CAMSAP1: variants seen among roughly 807,000 people sequenced by gnomAD.
CAMSAP1 encodes the protein calmodulin regulated spectrin associated protein 1.
CAMSAP1 carries 58 observed loss-of-function variants against 143.5 expected under a neutral mutation model. The observed-to-expected ratio is 0.40, with a 90% CI of 0.33 to 0.50. The LOEUF (loss-of-function observed/expected upper bound fraction) is 0.50, where lower values mean the gene tolerates loss of function less well. CAMSAP1 is among the 20% of genes least tolerant of loss of function. CAMSAP1 has a pLI of 0.45. For synonymous variants in CAMSAP1, 945 were observed against 859.3 expected (o/e 1.10, Z -1.74); for missense variants, 1,969 against 2,115.7 (o/e 0.93, Z 1.36).
intron 3 of CAMSAP1, among the ~76,000 whole-genome samples, chr9:135,881,349 C>A (rs1236412762): frequency 2.0e-5 from 3 of 151,022 alleles, no homozygotes; most frequent in African/African-American, 4.9e-5. Context: ...CAAAGTGAGA[C>A]CCTGTCTCAA....
rs747969198 is a variant in CAMSAP1, at chr9:135,823,273, G to A, written c.1401-13C>T. The A allele has an allele frequency of 2.0e-6, 3 of 1,537,138 alleles. No individual in the cohort carries two copies. The Admixed American group carries it at 6.0e-5, about 31-fold the overall frequency. On this transcript the variant is annotated splice_polypyrimidine_tract_variant and intron_variant, in intron 10 of 16. Transcript: ENST00000389532. ...CTGGGACGCAGGCCTGAAACACAGG[G>A]AAGGCCCACTGGGTGCGCTGCGGTA...
chr9:135,816,979 C>T (rs926218089), intron 14 of CAMSAP1, among the ~76,000 whole-genome samples: 3 of 152,172 alleles, frequency 2.0e-5, no homozygotes, highest in Admixed American at 6.5e-5. Context: ...TTGAGAAAGA[C>T]GCACACTCAC....
At chr9:135,843,743 G>A (rs533481741) in intron 7 of CAMSAP1, among the ~76,000 whole-genome samples, 17 of 151,406 alleles carry the variant, frequency 1.1e-4, no homozygotes, top group South Asian at 2.1e-4. Context: ...GCGTGGTGGC[G>A]GGCACCTGTA....
chr9:135,896,049 T>C (rs1298399537), intron 1 of CAMSAP1, among the ~76,000 whole-genome samples: 5 of 152,188 alleles, frequency 3.3e-5, no homozygotes, highest in Non-Finnish European at 7.3e-5. Flanking sequence ...TAAATAGTAA[T>C]TGTTAACAAT....
At chr9:135,873,542 CA>C (rs1837634071) in intron 3 of CAMSAP1, among the ~76,000 whole-genome samples, 1 of 151,936 alleles carries the variant, frequency 6.6e-6, no homozygotes, top group African/African-American at 2.4e-5. Context: ...TCGGACTAAT[CA>C]AGGTAAAGAA....
At chr9:135,893,541 C>A (rs578070692) in intron 1 of CAMSAP1, among the ~76,000 whole-genome samples, 1 of 152,200 alleles carries the variant, frequency 6.6e-6, no homozygotes, top group African/African-American at 2.4e-5. Context: ...ATTAAAGCAT[C>A]CTGAGTGAAG....
Position 135,821,268 on chromosome 9 carries a change from C to T in CAMSAP1, c.3393G>A (p.Pro1131=), listed in dbSNP as rs748498793. ...KTPTPSVETL[P]HLRPFPASSH... ...TGCTGGCAGGGAAGGGTCTCAAGTG[C>T]GGGAGCGTCTCTACACTGGGCGTTG... The change falls in exon 11 of 17, where the codon CCG becomes CCA. Residue 1131 remains proline (P), a synonymous_variant. Coordinates refer to ENST00000389532, the MANE Select transcript of CAMSAP1 (RefSeq NM_015447.4). The surrounding 1 kb of genome is among the most constrained non-coding windows in gnomAD (Gnocchi z 4.6). The T allele has an allele frequency of 3.1e-6, 5 of 1,609,392 alleles. No individual in the cohort carries two copies. Among genetic ancestry groups the T allele is most frequent in the African/African-American group, 1.3e-5 (1 of 74,940 alleles).
Position 135,821,063 on chromosome 9 carries a change from CT to C in CAMSAP1, c.3597del (p.Val1200PhefsTer6), listed in dbSNP as rs753689574. 6.2e-7 allele frequency: 1 copy of C among 1,614,032 alleles called. No individual in the cohort carries two copies. Among genetic ancestry groups the C allele is most frequent in the Non-Finnish European group, 8.5e-7 (1 of 1,179,902 alleles). ...ACCTCCTTCACACTCGCATCCAGAA[CT>C]TCTTTGAGGCTCATCTGCTCCGAAA... The part of the protein sequence containing the change: ...NILSEQMSLK[E>X]VLDASVKEVG... On this transcript the variant is annotated frameshift_variant, in exon 11 of 17. Transcript: ENST00000389532. LOFTEE classifies it high-confidence loss of function. The surrounding 1 kb of genome is among the most constrained non-coding windows in gnomAD (Gnocchi z 4.6).
At chr9:135,841,018 A>G (rs962743320) in intron 7 of CAMSAP1, among the ~76,000 whole-genome samples, 1 of 152,138 alleles carries the variant, frequency 6.6e-6, no homozygotes, top group African/African-American at 2.4e-5. Context: ...TCCCCTGGAA[A>G]GGGTGCTGAA....
At chr9:135,865,098 A>T (rs1255935837) in intron 4 of CAMSAP1, 1 of 554,848 alleles carries the variant, frequency 1.8e-6, no homozygotes, top group Non-Finnish European at 3.2e-6. Flanking sequence ...TCACTTAAAG[A>T]AGTAACTAGG....
Position 135,817,995 on chromosome 9 carries a change from C to T in CAMSAP1, c.4253G>A (p.Gly1418Glu), listed in dbSNP as rs544399066. The change falls in exon 14 of 17, where the codon GGG (glycine) becomes GAG (glutamate). Residue 1418 changes from glycine to glutamate, a missense_variant. Transcript: ENST00000389532. ...ATTEPESVHS[G>E]GTPSQRVESM... ...CCCTTACCGCTGAGAGGGTGTGCCC[C>T]CGGAATGAACGCTCTCGGGTTCTGT... is the stretch of plus-strand genomic sequence containing the variant. 1.2e-6 allele frequency: 2 copies of T among 1,613,916 alleles called. No individual in the cohort carries two copies. The highest frequency in any genetic ancestry group is 1.7e-5 in the Admixed American group (1 of 60,030).
intron 1 of CAMSAP1, among the ~76,000 whole-genome samples, chr9:135,903,066 C>T (rs1838665742): frequency 6.6e-6 from 1 of 152,212 alleles, no homozygotes; most frequent in South Asian, 2.1e-4. Flanking sequence ...TCCACATTGT[C>T]CCCTGAAACC....
chr9:135,819,282 C>G lies in CAMSAP1; in HGVS notation c.3823-136G>C, dbSNP rs191616998. 766 of 1,200,650 alleles carry G rather than the reference C, an allele frequency of 6.4e-4. 9 individuals are homozygous for G. In the African/African-American group the frequency reaches 0.01, roughly 16 times the overall value. 74.4% of individuals were successfully genotyped at this position (1,200,650 alleles called of 1,614,324 possible). A position where few individuals can be genotyped will look rare whatever the true frequency, so the allele number is the denominator to read the frequency against. ...AAAGACTTCTATGCTTTTCTCTAAC[C>G]GTTACAGACTCTGAAATACGAATGA... On this transcript the variant is annotated intron_variant, in intron 11 of 16. Coordinates refer to ENST00000389532, the MANE Select transcript of CAMSAP1 (RefSeq NM_015447.4).
intron 1 of CAMSAP1, among the ~76,000 whole-genome samples, chr9:135,892,042 G>A (rs1286741699): frequency 1.3e-5 from 2 of 152,166 alleles, no homozygotes; most frequent in African/African-American, 4.8e-5. Context: ...AGTATGAGAC[G>A]ATGTCAAAAG....
chr9:135,831,550 A>G (rs1040796637), intron 7 of CAMSAP1, among the ~76,000 whole-genome samples: 1 of 152,126 alleles, frequency 6.6e-6, no homozygotes, highest in Non-Finnish European at 1.5e-5. Flanking sequence ...TTAAATAACA[A>G]CCTAACTTCA....
At chr9:135,885,054 C>T (rs1026146559) in intron 1 of CAMSAP1, among the ~76,000 whole-genome samples, 1 of 152,172 alleles carries the variant, frequency 6.6e-6, no homozygotes, top group Non-Finnish European at 1.5e-5. Context: ...ACCAGCAGCC[C>T]ACCTAGTCAG....
chr9:135,814,599 G>A lies in CAMSAP1; in HGVS notation c.4506+498C>T, dbSNP rs530588808. 1.1e-4 allele frequency among the ~76,000 whole-genome samples: 16 copies of A among 152,220 alleles called. No individual in the cohort carries two copies. In the South Asian group the frequency reaches 2.1e-3, roughly 20 times the overall value. ...GAGTCCACACGCTCAGCGGGTGCGC[G>A]CCTCTTCCCTCCCTCCCCACTCCAT... On this transcript the variant is annotated intron_variant, in intron 16 of 16. Transcript: ENST00000389532.
Position 135,821,730 on chromosome 9 carries a change from C to A in CAMSAP1, c.2931G>T (p.Glu977Asp). 4 of 1,614,056 alleles carry A rather than the reference C, an allele frequency of 2.5e-6. No homozygotes were observed. Among genetic ancestry groups the A allele is most frequent in the Non-Finnish European group, 3.4e-6 (4 of 1,179,908 alleles). ...TATGTTGCTGAGCAAAGGCCAGGCT[C>A]TCTTTGTCCACATCCTGTGGCTCGT... is the stretch of plus-strand genomic sequence containing the variant. ...LLHEPQDVDK[E>D]SLAFAQQHKA... The change falls in exon 11 of 17, where the codon GAG becomes GAT. Residue 977 changes from glutamate (E) to aspartate (D), a missense_variant. Transcript: ENST00000389532. The surrounding 1 kb of genome is among the most constrained non-coding windows in gnomAD (Gnocchi z 4.6).
At chr9:135,813,824 G>C (rs539446309) in intron 16 of CAMSAP1, among the ~76,000 whole-genome samples, 1 of 152,220 alleles carries the variant, frequency 6.6e-6, no homozygotes, top group African/African-American at 2.4e-5. Flanking sequence ...AGTGTGCCTT[G>C]TGACCAGCCC....
Sources: allele counts gnomAD v4.1 joint callset (sites outside exome capture counted in the v4.1 genomes callset), GRCh38; gene constraint gnomAD v4.1.1; non-coding constraint Gnocchi (gnomAD v3.1); transcripts MANE v1.5; gene names NCBI Gene and HGNC (gene_info 2026-07-23, HGNC 2026-07-21).